Variants in PLPP1 observed in about 807,000 individuals in gnomAD.
PLPP1 encodes the protein lipid phosphate phosphohydrolase 1a.
PLPP1 carries 24 observed loss-of-function variants against 31.2 expected under a neutral mutation model. That is an observed-to-expected ratio of 0.77 (90% confidence interval 0.56 to 1.08). The LOEUF (loss-of-function observed/expected upper bound fraction) is 1.08, where lower values mean the gene tolerates loss of function less well. PLPP1 is among the 50% of genes least tolerant of loss of function. PLPP1 has a pLI of 0.00. For missense variants in PLPP1, 319 were observed against 342.7 expected (o/e 0.93, Z 0.55); for synonymous variants, 146 against 126.3 (o/e 1.16, Z -1.05).
At chr5:55,471,570 C>A (rs983574845) in intron 2 of PLPP1, among the ~76,000 whole-genome samples, 6 of 152,150 alleles carry the variant, frequency 3.9e-5, no homozygotes, top group South Asian at 2.1e-4. Flanking sequence ...CTGACCATTT[C>A]CTCCTCATTG....
intron 3 of PLPP1, among the ~76,000 whole-genome samples, chr5:55,444,780 T>TCG (rs916073992): frequency 5.9e-5 from 9 of 151,414 alleles, no homozygotes; most frequent in African/African-American, 2.2e-4. Flanking sequence ...TGATGGAGTC[T>TCG]CGCTCTGTTA....
At chr5:55,472,750 AGG>A (rs1344625032) in intron 2 of PLPP1, among the ~76,000 whole-genome samples, 2 of 5,032 alleles carry the variant, frequency 4.0e-4, no homozygotes, top group South Asian at 0.017. Flanking sequence ...GAGGAAGAAG[AGG>A]AAGAGGAAGA....
intron 1 of PLPP1, chr5:55,491,157 T>C (rs1752880578): frequency 1.3e-6 from 2 of 1,585,090 alleles, no homozygotes; most frequent in South Asian, 2.3e-5. Context: ...TTAAATTCAA[T>C]TCACTTCATT....
At chr5:55,482,219 C>G (rs1752685147) in intron 1 of PLPP1, among the ~76,000 whole-genome samples, 1 of 150,520 alleles carries the variant, frequency 6.6e-6, no homozygotes, top group Admixed American at 6.7e-5. Flanking sequence ...CACACACACA[C>G]ACACACATCT....
chr5:55,426,637 G>A (rs1221862319), intron 4 of PLPP1, among the ~76,000 whole-genome samples: 1 of 151,122 alleles, frequency 6.6e-6, no homozygotes, highest in Non-Finnish European at 1.5e-5. Flanking sequence ...CAAACTCCTC[G>A]TCTCAAGTAA....
At chr5:55,530,932 G>A (rs1401271302) in intron 1 of PLPP1, among the ~76,000 whole-genome samples, 2 of 152,220 alleles carry the variant, frequency 1.3e-5, no homozygotes, top group African/African-American at 4.8e-5. Flanking sequence ...ATGGTGACAT[G>A]GTGACAGCGG....
intron 3 of PLPP1, among the ~76,000 whole-genome samples, chr5:55,456,440 G>A (rs752992241): frequency 6.6e-6 from 1 of 152,140 alleles, no homozygotes; most frequent in African/African-American, 2.4e-5. Context: ...CATTATGGGT[G>A]CTTATGTTCC....
At chr5:55,518,873 A>G (rs1753606735) in intron 1 of PLPP1, among the ~76,000 whole-genome samples, 2 of 152,340 alleles carry the variant, frequency 1.3e-5, no homozygotes, top group Admixed American at 1.3e-4. Context: ...CAATCAGTAA[A>G]TGAAGCAGCC....
chr5:55,436,597 A>C (rs948190677), intron 4 of PLPP1, among the ~76,000 whole-genome samples: 7 of 152,098 alleles, frequency 4.6e-5, no homozygotes, highest in African/African-American at 1.7e-4. Context: ...ACACTCCAAA[A>C]CGTGTGGCTC....
intron 1 of PLPP1, among the ~76,000 whole-genome samples, chr5:55,528,614 A>C (rs1358952457): frequency 6.6e-6 from 1 of 152,226 alleles, no homozygotes; most frequent in Non-Finnish European, 1.5e-5. Flanking sequence ...ATTAAACACT[A>C]ATAAGTTGTA....
chr5:55,477,623 C>G (rs963073311), intron 1 of PLPP1, among the ~76,000 whole-genome samples: 8 of 151,980 alleles, frequency 5.3e-5, no homozygotes, highest in Non-Finnish European at 8.8e-5. Flanking sequence ...AAACTCCTGA[C>G]CTCAAGTAAT....
rs1222058780 is a variant in PLPP1, at chr5:55,433,713, G to GGTCTCGATCTCAT, written c.550-7675_550-7674insATGAGATCGAGAC. On this transcript the variant is annotated intron_variant, in intron 4 of 5. Transcript: ENST00000307259. ...ACGGTTTCACTGTGTTAGCCAGGATGGTCTCGATCTCCTGACCTCATGATT... is the reference window on the plus strand; with the variant it reads ...ACGGTTTCACTGTGTTAGCCAGGATGGTCTCGATCTCATGTCTCGATCTCCTGACCTCATGATT... Among the ~76,000 whole-genome samples the GGTCTCGATCTCAT allele has an allele frequency of 6.0e-5, 9 of 151,142 alleles. No homozygotes were observed. The East Asian group carries it at 1.8e-3, about 31-fold the overall frequency.
chr5:55,475,362 G>A lies in PLPP1; in HGVS notation c.147C>T (p.Tyr49=). ...ACGCATAAGGTATGGTGTCTTCTTT[G>A]TAAGGGTACTTGATGGACTCATCAT... ...FCNDESIKYP[Y]KEDTIPYALL... Residue 49 remains tyrosine, a synonymous_variant, in exon 2 of 6, where the codon TAC becomes TAT. Coordinates refer to ENST00000307259, the MANE Select transcript of PLPP1 (RefSeq NM_003711.4). 1 of 1,612,280 alleles carries A rather than the reference G, an allele frequency of 6.2e-7. No homozygotes were observed. The highest frequency in any genetic ancestry group is 8.5e-7 in the Non-Finnish European group (1 of 1,178,604).
chr5:55,491,159 C>A (rs1466223252), intron 1 of PLPP1: 1 of 1,582,778 alleles, frequency 6.3e-7, no homozygotes, highest in Admixed American at 1.8e-5. Flanking sequence ...AAATTCAATT[C>A]ACTTCATTAG....
At chr5:55,487,222 A>G (rs1752792956) in intron 1 of PLPP1, among the ~76,000 whole-genome samples, 2 of 152,160 alleles carry the variant, frequency 1.3e-5, no homozygotes. Flanking sequence ...TCATTGCAAC[A>G]TATGGATTTG....
intron 4 of PLPP1, among the ~76,000 whole-genome samples, chr5:55,430,272 G>A (rs1421890523): frequency 6.6e-6 from 1 of 152,162 alleles, no homozygotes; most frequent in Non-Finnish European, 1.5e-5. Context: ...CAAGCTTCCT[G>A]GAGACCCAAG....
intron 3 of PLPP1, among the ~76,000 whole-genome samples, chr5:55,451,283 G>A (rs1170957527): frequency 2.0e-5 from 3 of 152,164 alleles, no homozygotes; most frequent in Non-Finnish European, 4.4e-5. Context: ...AATTAGGCAG[G>A]CGTGATAGTA....
chr5:55,453,727 G>A (rs1751943261), intron 3 of PLPP1, among the ~76,000 whole-genome samples: 1 of 152,276 alleles, frequency 6.6e-6, no homozygotes, highest in African/African-American at 2.4e-5. Context: ...GATCACCTGA[G>A]TTCAGGAGTT....
intron 1 of PLPP1, among the ~76,000 whole-genome samples, chr5:55,534,101 T>C (rs1019504498): frequency 6.6e-6 from 1 of 152,154 alleles, no homozygotes; most frequent in Non-Finnish European, 1.5e-5. Flanking sequence ...CACCTTCTAA[T>C]TAGGAACTAG....
Sources: gnomAD v4.1 joint callset for allele counts (sites outside exome capture counted in the v4.1 genomes callset) on GRCh38, gnomAD v4.1.1 for gene constraint, MANE v1.5 for transcripts, NCBI Gene and HGNC (gene_info 2026-07-23, HGNC 2026-07-21) for gene names.